The following RUNX2 variants were observed in gnomAD, a reference collection of about 807,000 sequenced individuals.
The protein encoded by RUNX2 is runt-related transcription factor 2.
Under a neutral mutation model 51.7 loss-of-function variants are expected in RUNX2, and 10 were observed. The observed-to-expected ratio is 0.19, with a 90% CI of 0.12 to 0.33. RUNX2 has a LOEUF of 0.33. RUNX2 is among the 10% of genes least tolerant of loss of function. The probability of loss-of-function intolerance (pLI) is 1.00; values close to 1 mark genes in which losing one functional copy is unlikely to be tolerated. For missense variants in RUNX2, 562 were observed against 691.3 expected, an observed-to-expected ratio of 0.81 and a Z score of 2.10; for synonymous variants, 276 against 273.6, an observed-to-expected ratio of 1.01 and a Z score of -0.09.
intron 2 of RUNX2, among the ~76,000 whole-genome samples, chr6:45,353,039 C>A (rs981037715): frequency 8.5e-5 from 13 of 152,134 alleles, no homozygotes; most frequent in African/African-American, 3.1e-4. Context: ...CTGAGAAGTT[C>A]TTCAGAGTCT....
intron 2 of RUNX2, among the ~76,000 whole-genome samples, chr6:45,393,102 T>G (rs568557860): frequency 1.3e-5 from 2 of 152,216 alleles, no homozygotes; most frequent in Non-Finnish European, 2.9e-5. Flanking sequence ...CACATGGCAT[T>G]CTTTTTTTCT....
Position 45,485,695 on chromosome 6 carries a change from G to GTA in RUNX2, c.686-6245_686-6244insAT, listed in dbSNP as rs1389655363. ...TGTATGTGTGTGTGTGTGTGTGTGT[G>GTA]TGTATATATATATATATATATACAC... On this transcript the variant is annotated intron_variant, in intron 5 of 8. Coordinates refer to ENST00000647337, the MANE Select transcript of RUNX2 (RefSeq NM_001024630.4). Among the ~76,000 whole-genome samples the GTA allele has an allele frequency of 5.3e-4, 57 of 107,160 alleles. 1 individual carries two copies. The highest frequency in any genetic ancestry group is 2.8e-3 in the East Asian group (9 of 3,192). 70.3% of individuals were successfully genotyped at this position (107,160 alleles called of 152,430 possible). A position where few individuals can be genotyped will look rare whatever the true frequency, so the allele number is the denominator to read the frequency against.
chr6:45,492,683 T>C (rs903881381), intron 6 of RUNX2, among the ~76,000 whole-genome samples: 1 of 152,186 alleles, frequency 6.6e-6, no homozygotes, highest in Non-Finnish European at 1.5e-5. Context: ...GTCAGCTACT[T>C]ACTTTACCTT....
At chr6:45,390,761 A>C (rs536603430) in intron 2 of RUNX2, among the ~76,000 whole-genome samples, 19 of 152,308 alleles carry the variant, frequency 1.2e-4, no homozygotes, top group Admixed American at 2.0e-4. Context: ...GGCCAATGGA[A>C]ATGGAAATAG....
intron 2 of RUNX2, among the ~76,000 whole-genome samples, chr6:45,406,517 C>T (rs972814874): frequency 3.9e-5 from 6 of 152,110 alleles, no homozygotes; most frequent in Admixed American, 6.5e-5. Flanking sequence ...CAGGTTCAAG[C>T]GATTCTTGTG....
intron 7 of RUNX2, among the ~76,000 whole-genome samples, chr6:45,534,808 T>TA (rs1163565633): frequency 6.6e-6 from 1 of 152,210 alleles, no homozygotes; most frequent in Non-Finnish European, 1.5e-5. Flanking sequence ...GACACACATG[T>TA]AAATACTTTT....
Position 45,549,002 on chromosome 6 carries a change from A to T in RUNX2, c.*1697A>T, listed in dbSNP as rs779942831. The stretch of plus-strand genomic sequence containing the variant: ...CGGGGACCTACAGACAGCCTTTGAC[A>T]TTTGTATTTCTTACAATGGAGGGCC... On this transcript the variant is annotated 3_prime_UTR_variant, in exon 9 of 9. Transcript: ENST00000647337. 78 of 397,744 alleles carry T rather than the reference A, an allele frequency of 2.0e-4. No individual in the cohort carries two copies. The Admixed American group carries it at 2.1e-3, about 11-fold the overall frequency. The allele number at this position is 397,744 out of a possible 1,614,324, so 24.6% of individuals were successfully genotyped here.
At position 45,422,819 on chromosome 6, in the gene RUNX2, G is replaced by T; in HGVS notation, c.285G>T (p.Pro95=). Residue 95 remains proline, a synonymous_variant, in exon 3 of 9, where the codon CCG becomes CCT. Transcript: ENST00000647337. ...AAAAAVPRLR[P]PHDNRTMVEI... is the part of the protein sequence containing the mutation. ...CAGCTGCAGTGCCCCGGTTGCGGCC[G>T]CCCCACGACAACCGCACCATGGTGG... The T allele has an allele frequency of 6.3e-7, 1 of 1,593,968 alleles. No individual in the cohort carries two copies. Among genetic ancestry groups the T allele is most frequent in the Non-Finnish European group, 8.5e-7 (1 of 1,173,194 alleles).
chr6:45,402,640 G>A (rs1199574267), intron 2 of RUNX2, among the ~76,000 whole-genome samples: 1 of 152,204 alleles, frequency 6.6e-6, no homozygotes, highest in Admixed American at 6.5e-5. Flanking sequence ...GCTGAGGCAG[G>A]AGGATTGCTT....
At chr6:45,355,883 G>T (rs1793068562) in intron 2 of RUNX2, among the ~76,000 whole-genome samples, 1 of 152,074 alleles carries the variant, frequency 6.6e-6, no homozygotes, top group Non-Finnish European at 1.5e-5. Flanking sequence ...TTAATTGATT[G>T]CCAGGCCAAC....
At chr6:45,339,759 T>C (rs1789370313) in intron 2 of RUNX2, among the ~76,000 whole-genome samples, 1 of 152,192 alleles carries the variant, frequency 6.6e-6, no homozygotes, top group Non-Finnish European at 1.5e-5. Context: ...TTAAAATTTA[T>C]TAAAGTTTTA....
At chr6:45,351,050 G>A (rs190651385) in intron 2 of RUNX2, among the ~76,000 whole-genome samples, 1 of 152,218 alleles carries the variant, frequency 6.6e-6, no homozygotes, top group African/African-American at 2.4e-5. Flanking sequence ...GATGTGAGGT[G>A]TAACAGTTGC....
chr6:45,366,085 T>C (rs1215191095), intron 2 of RUNX2, among the ~76,000 whole-genome samples: 1 of 152,212 alleles, frequency 6.6e-6, no homozygotes, highest in Non-Finnish European at 1.5e-5. Flanking sequence ...CCCTCATCTA[T>C]TACACTATTA....
At chr6:45,350,002 A>G (rs568834831) in intron 2 of RUNX2, among the ~76,000 whole-genome samples, 84 of 152,346 alleles carry the variant, frequency 5.5e-4, no homozygotes, top group South Asian at 5.4e-3. Flanking sequence ...AAATTACTAG[A>G]GCCAAAAATA....
At chr6:45,406,277 A>G (rs16873396) in intron 2 of RUNX2, among the ~76,000 whole-genome samples, 8,731 of 152,262 alleles carry the variant, frequency 0.057, 683 homozygotes, top group African/African-American at 0.17. Flanking sequence ...GGACGACTAC[A>G]GTAGAAATTA....
chr6:45,478,948 C>G (rs1012108972), intron 5 of RUNX2, among the ~76,000 whole-genome samples: 2 of 151,888 alleles, frequency 1.3e-5, no homozygotes, highest in East Asian at 1.9e-4. Flanking sequence ...AGTGCAGTGG[C>G]ACCATCTCGG....
At chr6:45,415,357 C>G (rs1798046661) in intron 2 of RUNX2, among the ~76,000 whole-genome samples, 1 of 152,204 alleles carries the variant, frequency 6.6e-6, no homozygotes, top group Non-Finnish European at 1.5e-5. Context: ...AGAGTCCTCC[C>G]CTCTTCTCAA....
At chr6:45,360,820 C>T (rs573852413) in intron 2 of RUNX2, among the ~76,000 whole-genome samples, 111 of 152,286 alleles carry the variant, frequency 7.3e-4, no homozygotes, top group African/African-American at 2.6e-3. Context: ...CAGACCTAAA[C>T]GTAGGTAGCT....
chr6:45,464,834 C>T (rs959147539), intron 5 of RUNX2, among the ~76,000 whole-genome samples: 2 of 152,166 alleles, frequency 1.3e-5, no homozygotes, highest in African/African-American at 2.4e-5. Context: ...TTAAAGTTGT[C>T]TGGACAAACC....
Sources: gnomAD v4.1 joint callset for allele counts (sites outside exome capture counted in the v4.1 genomes callset) on GRCh38, gnomAD v4.1.1 for gene constraint, MANE v1.5 for transcripts, NCBI Gene and HGNC (gene_info 2026-07-23, HGNC 2026-07-21) for gene names.